The following PPM1B variants were observed in gnomAD, a reference collection of about 807,000 sequenced individuals.
PPM1B encodes the protein protein phosphatase 1B.
PPM1B carries 22 observed loss-of-function variants against 43.0 expected under a neutral mutation model. The ratio of observed to expected loss-of-function variants is 0.51; its 90% confidence interval spans 0.37 to 0.73. The LOEUF is 0.73. PPM1B is among the 30% of genes least tolerant of loss of function. The pLI, the probability that PPM1B is intolerant of heterozygous loss-of-function variation, is 0.00. For missense variants in PPM1B, 632 were observed against 584.2 expected (o/e 1.08, Z -0.84); for synonymous variants, 217 against 197.9 (o/e 1.10, Z -0.81).
chr2:44,218,160 G>A, intron 4 of PPM1B, 82 bp downstream of exon 4: 1 of 1,015,586 alleles, frequency 9.8e-7, no homozygotes, highest in Non-Finnish European at 1.5e-6. Context: ...TAAATCAGAA[G>A]TACATCAATT....
At chr2:44,185,261 C>T (rs930985272) in intron 1 of PPM1B, among the ~76,000 whole-genome samples, 14 of 152,046 alleles carry the variant, frequency 9.2e-5, no homozygotes, top group African/African-American at 2.9e-4. Flanking sequence ...TGACAAGTGA[C>T]GTTAAATTAA....
intron 1 of PPM1B, among the ~76,000 whole-genome samples, chr2:44,169,904 C>T (rs928261312): frequency 2.0e-5 from 3 of 152,008 alleles, no homozygotes; most frequent in Non-Finnish European, 4.4e-5. Flanking sequence ...TTGAAACTGC[C>T]ACTTATTGTC....
intron 3 of PPM1B, among the ~76,000 whole-genome samples, chr2:44,216,086 A>G (rs1669704963): frequency 6.6e-6 from 1 of 152,230 alleles, no homozygotes; most frequent in South Asian, 2.1e-4. Context: ...TCATTGGAAG[A>G]TTTTGAGTAC....
intron 5 of PPM1B, chr2:44,244,169 T>G: frequency 1.1e-6 from 1 of 900,120 alleles, no homozygotes; most frequent in Non-Finnish European, 1.4e-6. Flanking sequence ...ACCCCAATCC[T>G]GCAAGAAAAA....
chr2:44,231,369 C>T lies in PPM1B; in HGVS notation c.*651C>T, dbSNP rs1170477259. On this transcript the variant is annotated 3_prime_UTR_variant, in exon 6 of 6. Transcript: ENST00000282412. ...TTCATACAGCTTTGGTTTGTATATT[C>T]TGTATAGCCTAACTACACACATCAA... The T allele has an allele frequency of 6.2e-6, 6 of 973,924 alleles. No individual in the cohort carries two copies. Among genetic ancestry groups the T allele is most frequent in the Non-Finnish European group, 7.3e-6 (6 of 819,744 alleles). 60.3% of individuals were successfully genotyped at this position (973,924 alleles called of 1,614,324 possible).
chr2:44,171,432 A>G (rs1364953211), intron 1 of PPM1B, among the ~76,000 whole-genome samples: 2 of 152,206 alleles, frequency 1.3e-5, no homozygotes, highest in Non-Finnish European at 2.9e-5. Flanking sequence ...AACATTTTTT[A>G]TGGAATCTTT....
intron 2 of PPM1B, among the ~76,000 whole-genome samples, chr2:44,206,394 A>G (rs1366910326): frequency 1.3e-5 from 2 of 152,220 alleles, no homozygotes. Flanking sequence ...CCATCTTTAC[A>G]TAGAAATAGA....
rs183596135 is a variant in PPM1B, at chr2:44,193,351, A to G, written c.-14-7835A>G. 1.9e-3 allele frequency among the ~76,000 whole-genome samples: 287 copies of G among 151,960 alleles called. 1 individual carries two copies. Among genetic ancestry groups the G allele is most frequent in the African/African-American group, 6.7e-3 (275 of 41,304 alleles). On this transcript the variant is annotated intron_variant, in intron 1 of 5. Transcript: ENST00000282412. ...TTTCACATATCTATTGGCCATTTGT[A>G]TGCCATTTTAATTTCAAAAAGCACT...
intron 1 of PPM1B, among the ~76,000 whole-genome samples, chr2:44,169,543 G>T (rs1212355151): frequency 6.6e-6 from 1 of 152,232 alleles, no homozygotes; most frequent in South Asian, 2.1e-4. Flanking sequence ...TTGCTGGAAC[G>T]CCTGGAAGCT....
chr2:44,177,518 A>T (rs548799910), intron 1 of PPM1B, among the ~76,000 whole-genome samples: 68 of 142,856 alleles, frequency 4.8e-4, no homozygotes, highest in Non-Finnish European at 9.6e-4. Context: ...TTCAGGTTTT[A>T]AGTAATTCTC....
intron 1 of PPM1B, among the ~76,000 whole-genome samples, chr2:44,192,812 A>G (rs1011167605): frequency 6.6e-6 from 1 of 152,192 alleles, no homozygotes; most frequent in African/African-American, 2.4e-5. Flanking sequence ...GTGAGAATAT[A>G]CAATATTTGT....
At chr2:44,222,934 G>A (rs892557957) in intron 5 of PPM1B, among the ~76,000 whole-genome samples, 12 of 152,180 alleles carry the variant, frequency 7.9e-5, no homozygotes, top group African/African-American at 9.6e-5. Flanking sequence ...AGGCTCAAGC[G>A]ATCCTCCCAG....
chr2:44,219,723 C>T (rs908312442), intron 5 of PPM1B, among the ~76,000 whole-genome samples: 11 of 152,050 alleles, frequency 7.2e-5, no homozygotes, highest in African/African-American at 2.7e-4. Context: ...GCGGGCGGAT[C>T]ACCTGAGGTT....
chr2:44,223,246 A>G (rs577881693), intron 5 of PPM1B, among the ~76,000 whole-genome samples: 35 of 152,306 alleles, frequency 2.3e-4, no homozygotes, highest in African/African-American at 8.2e-4. Flanking sequence ...ATCTTAATCC[A>G]AAAACGGTTT....
At chr2:44,222,583 T>C (rs2104241444) in intron 5 of PPM1B, among the ~76,000 whole-genome samples, 2 of 152,284 alleles carry the variant, frequency 1.3e-5, no homozygotes, top group East Asian at 3.9e-4. Context: ...CACAGAGTCA[T>C]AGGTAATCTT....
exon 6 of PPM1B, chr2:44,244,262 C>A: frequency 7.4e-7 from 1 of 1,358,130 alleles, no homozygotes; most frequent in Non-Finnish European, 9.8e-7. Flanking sequence ...TGTAAACCTG[C>A]TGAGAGCTCT....
chr2:44,221,212 G>C (rs1364217001), intron 5 of PPM1B, among the ~76,000 whole-genome samples: 1 of 152,150 alleles, frequency 6.6e-6, no homozygotes, highest in South Asian at 2.1e-4. Context: ...TAGATATGTG[G>C]ATTAAAGGAA....
intron 3 of PPM1B, among the ~76,000 whole-genome samples, chr2:44,214,471 G>T (rs1026150438): frequency 1.3e-5 from 2 of 151,832 alleles, no homozygotes; most frequent in Non-Finnish European, 2.9e-5. Flanking sequence ...GGTGGGGGGG[G>T]CATGGCAGTA....
intron 5 of PPM1B, among the ~76,000 whole-genome samples, chr2:44,227,831 A>G (rs926644204): frequency 1.3e-5 from 2 of 149,608 alleles, no homozygotes; most frequent in African/African-American, 4.9e-5. Flanking sequence ...AGTATCATCC[A>G]TTTTTTGCCA....
Sources: gnomAD v4.1 joint callset for allele counts (sites outside exome capture counted in the v4.1 genomes callset) on GRCh38, gnomAD v4.1.1 for gene constraint, MANE v1.5 for transcripts, NCBI Gene and HGNC (gene_info 2026-07-23, HGNC 2026-07-21) for gene names.